The following FHIT variants were observed in gnomAD, a reference collection of about 807,000 sequenced individuals.
FHIT encodes bis(5'-adenosyl)-triphosphatase.
FHIT carries 19 observed loss-of-function variants against 17.9 expected under a neutral mutation model. That is an observed-to-expected ratio of 1.06 (90% CI 0.74 to 1.56). The LOEUF (loss-of-function observed/expected upper bound fraction) is 1.56. FHIT is among the 40% of genes most tolerant of loss of function. The probability of loss-of-function intolerance (pLI) is 0.00; values close to 1 mark genes in which losing one functional copy is unlikely to be tolerated. For missense variants in FHIT, 248 were observed against 189.2 expected (o/e 1.31, Z -1.82); for synonymous variants, 81 against 69.7 (o/e 1.16, Z -0.81).
At chr3:59,976,169 G>C (rs931813593) in intron 7 of FHIT, among the ~76,000 whole-genome samples, 1 of 152,038 alleles carries the variant, frequency 6.6e-6, no homozygotes, top group Non-Finnish European at 1.5e-5. Context: ...GATGCTGTCT[G>C]GGGGGTAAAG....
intron 2 of FHIT, among the ~76,000 whole-genome samples, chr3:61,183,928 G>T (rs901285923): frequency 5.3e-5 from 8 of 151,746 alleles, no homozygotes. Flanking sequence ...ATGTATCCTG[G>T]GTTGGTGATG....
intron 5 of FHIT, among the ~76,000 whole-genome samples, chr3:60,435,689 G>T (rs923387878): frequency 3.3e-5 from 5 of 152,186 alleles, no homozygotes; most frequent in South Asian, 4.1e-4. Flanking sequence ...GGGTACATGT[G>T]CAGGTTTCTT....
At chr3:60,905,224 T>C (rs1158174986) in intron 3 of FHIT, among the ~76,000 whole-genome samples, 1 of 152,180 alleles carries the variant, frequency 6.6e-6, no homozygotes, top group East Asian at 1.9e-4. Context: ...AAAAAGTTGA[T>C]CCAAAAAAAG....
chr3:60,279,521 A>G (rs1018231017), intron 5 of FHIT, among the ~76,000 whole-genome samples: 1 of 152,156 alleles, frequency 6.6e-6, no homozygotes, highest in African/African-American at 2.4e-5. Flanking sequence ...CCTTCTTTAG[A>G]TAGGTAAAGC....
intron 5 of FHIT, among the ~76,000 whole-genome samples, chr3:60,114,980 GCTAA>G (rs1387400584): frequency 2.6e-5 from 4 of 152,074 alleles, no homozygotes; most frequent in East Asian, 3.9e-4. Flanking sequence ...ACAAACAATG[GCTAA>G]CTATTTAAGG....
intron 3 of FHIT, among the ~76,000 whole-genome samples, chr3:61,007,200 T>C (rs1157104862): frequency 6.6e-6 from 1 of 152,238 alleles, no homozygotes; most frequent in Non-Finnish European, 1.5e-5. Context: ...GTCTAAACAA[T>C]TCTCTGTGCA....
chr3:60,888,411 C>A (rs1214939254), intron 3 of FHIT, among the ~76,000 whole-genome samples: 1 of 152,078 alleles, frequency 6.6e-6, no homozygotes, highest in East Asian at 1.9e-4. Context: ...CATCAAATTC[C>A]AATTCAAATT....
chr3:60,807,365 G>C (rs1553734608), intron 4 of FHIT, among the ~76,000 whole-genome samples: 1 of 151,208 alleles, frequency 6.6e-6, no homozygotes, highest in Non-Finnish European at 1.5e-5. Flanking sequence ...TTGAACCCAG[G>C]AGTTTGAGAC....
chr3:60,130,436 T>A (rs73831594), intron 5 of FHIT, among the ~76,000 whole-genome samples: 7,736 of 152,168 alleles, frequency 0.051, 650 homozygotes, highest in African/African-American at 0.17. Context: ...ATTATGTCAC[T>A]GAGAAAACTG....
At position 60,558,402 on chromosome 3, in the gene FHIT, T is replaced by A. The variant is rs571891071; in HGVS notation, c.-17-21423A>T. The stretch of plus-strand genomic sequence containing the variant: ...GCTCCCAACTTAAATATTTCTCTGA[T>A]GTCATGGGTGAACCAAGCCAAGCAG... On this transcript the variant is annotated intron_variant, in intron 4 of 9. Transcript: ENST00000492590. 7.2e-5 allele frequency among the ~76,000 whole-genome samples: 11 copies of A among 151,874 alleles called. No homozygotes were observed. The East Asian group carries it at 2.2e-3, about 30-fold the overall frequency.
At chr3:60,457,376 A>C (rs1476023016) in intron 5 of FHIT, among the ~76,000 whole-genome samples, 4 of 152,316 alleles carry the variant, frequency 2.6e-5, no homozygotes, top group African/African-American at 9.6e-5. Context: ...CCGGCTAGCC[A>C]TGTGTAGAAA....
chr3:59,853,126 T>A (rs533689921), intron 8 of FHIT, among the ~76,000 whole-genome samples: 1 of 152,340 alleles, frequency 6.6e-6, no homozygotes, highest in South Asian at 2.1e-4. Flanking sequence ...CTGTAATATG[T>A]TGCATTCCCA....
chr3:60,936,479 C>A (rs1708194952), intron 3 of FHIT, among the ~76,000 whole-genome samples: 1 of 152,216 alleles, frequency 6.6e-6, no homozygotes, highest in East Asian at 1.9e-4. Context: ...CAGATCAATA[C>A]AAAACTGAAG....
At chr3:61,195,448 G>A (rs745471163) in intron 2 of FHIT, among the ~76,000 whole-genome samples, 11 of 152,158 alleles carry the variant, frequency 7.2e-5, no homozygotes, top group Non-Finnish European at 1.2e-4. Flanking sequence ...TGGTGATGAT[G>A]ATGAAGATGA....
intron 5 of FHIT, among the ~76,000 whole-genome samples, chr3:60,308,362 C>A (rs1708777956): frequency 6.6e-6 from 1 of 151,990 alleles, no homozygotes; most frequent in African/African-American, 2.4e-5. Context: ...TTTCTGTTTA[C>A]AGGGTTAACT....
intron 1 of FHIT, among the ~76,000 whole-genome samples, chr3:61,226,504 T>C (rs996809025): frequency 1.3e-5 from 2 of 152,156 alleles, no homozygotes; most frequent in African/African-American, 4.8e-5. Context: ...ATGAGGACTG[T>C]GTGCTGAAGC....
chr3:60,124,741 A>G (rs990028584), intron 5 of FHIT, among the ~76,000 whole-genome samples: 1 of 152,172 alleles, frequency 6.6e-6, no homozygotes, highest in African/African-American at 2.4e-5. Flanking sequence ...TTTGGCATTG[A>G]TTTGATTTAT....
At chr3:60,258,415 T>C (rs1326154775) in intron 5 of FHIT, among the ~76,000 whole-genome samples, 1 of 152,168 alleles carries the variant, frequency 6.6e-6, no homozygotes, top group East Asian at 1.9e-4. Context: ...TCTACCATAA[T>C]TAATGCTCTC....
At chr3:60,859,264 G>T (rs1300372462) in intron 3 of FHIT, among the ~76,000 whole-genome samples, 1 of 152,126 alleles carries the variant, frequency 6.6e-6, no homozygotes, top group Non-Finnish European at 1.5e-5. Context: ...CTTAGGCAAG[G>T]TATTCAACCT....
Sources: gnomAD v4.1 joint callset for allele counts (sites outside exome capture counted in the v4.1 genomes callset) on GRCh38, gnomAD v4.1.1 for gene constraint, MANE v1.5 for transcripts, NCBI Gene and HGNC (gene_info 2026-07-23, HGNC 2026-07-21) for gene names.